GTF3C3: variants seen among roughly 807,000 people sequenced by gnomAD.
GTF3C3 encodes general transcription factor 3C polypeptide 3.
GTF3C3 carries 75 observed loss-of-function variants against 105.2 expected under a neutral mutation model. The observed-to-expected ratio is 0.71, with a 90% CI of 0.59 to 0.86. The LOEUF (loss-of-function observed/expected upper bound fraction) is 0.86. Ranked by LOEUF, GTF3C3 falls within the 40% of genes least tolerant of loss-of-function variation. The probability of loss-of-function intolerance (pLI) is 0.00; values close to 1 mark genes in which losing one functional copy is unlikely to be tolerated. For missense variants in GTF3C3, 856 were observed against 1,076.5 expected (o/e 0.80, Z 2.87); for synonymous variants, 335 against 370.4 (o/e 0.90, Z 1.10).
intron 17 of GTF3C3, 117 bp from the exon 18 acceptor site, chr2:196,764,802 T>C (rs1699032322): frequency 6.3e-6 from 5 of 795,734 alleles, no homozygotes; most frequent in Non-Finnish European, 9.7e-6. Context: ...TTAAAGCTCA[T>C]GTACTAAAAA....
chr2:196,777,622 CA>C (rs1280199788), intron 10 of GTF3C3: 1 of 152,172 alleles, frequency 6.6e-6, no homozygotes, highest in Admixed American at 6.5e-5. Context: ...TGGATCATCA[CA>C]GTGACATTTC....
chr2:196,782,050 G>C (rs1183133350), intron 8 of GTF3C3, among the ~76,000 whole-genome samples: 1 of 152,192 alleles, frequency 6.6e-6, no homozygotes, highest in Non-Finnish European at 1.5e-5. Context: ...AATGCTGTTT[G>C]CTAACAGTCT....
chr2:196,775,105 G>T lies in GTF3C3; in HGVS notation c.1831+11C>A. On this transcript the variant is annotated intron_variant, in intron 13 of 17. Transcript: ENST00000263956. The stretch of plus-strand genomic sequence containing the variant: ...AAATTTTATATAACATAATGCAAAT[G>T]AAGTTATTACCTTTTGCATCACAAT... 6.2e-7 allele frequency: 1 copy of T among 1,607,820 alleles called. No individual in the cohort carries two copies. Among genetic ancestry groups the T allele is most frequent in the South Asian group, 1.1e-5 (1 of 90,390 alleles).
rs555178972 is a variant in GTF3C3 at position 196,793,037 on chromosome 2, TTCCTCCTCC to T, written c.321_329del (p.Glu109_Glu111del). On this transcript the variant is annotated inframe_deletion, in exon 3 of 18. Transcript: ENST00000263956. ...CCGCAGTGGGTTGCTCAGGTGTTTCTTCCTCCTCCTCCTCCTCCTCCTCTTCTTCCTCTT... is the reference window on the plus strand; with the variant it reads ...CCGCAGTGGGTTGCTCAGGTGTTTCTTCCTCCTCCTCCTCTTCTTCCTCTT... 3.1e-6 allele frequency: 5 copies of T among 1,611,246 alleles called. No homozygotes were observed. Among genetic ancestry groups the T allele is most frequent in the African/African-American group, 1.3e-5 (1 of 74,728 alleles).
At chr2:196,783,072 T>C (rs138701356) in intron 8 of GTF3C3, among the ~76,000 whole-genome samples, 2 of 152,308 alleles carry the variant, frequency 1.3e-5, no homozygotes, top group African/African-American at 2.4e-5. Context: ...ACTAAAAAAC[T>C]ACCTTTGCTC....
intron 15 of GTF3C3, among the ~76,000 whole-genome samples, 192 bp from the exon 16 acceptor site, chr2:196,770,231 T>G (rs898787284): frequency 3.3e-5 from 5 of 152,256 alleles, no homozygotes; most frequent in African/African-American, 1.2e-4. Flanking sequence ...CATGAATGTA[T>G]GCTGACCATG....
intron 16 of GTF3C3, among the ~76,000 whole-genome samples, chr2:196,767,640 C>A (rs567838068): frequency 5.3e-5 from 8 of 152,244 alleles, no homozygotes; most frequent in Admixed American, 2.6e-4. Context: ...ATACTTTCTG[C>A]ATAATAAAAT....
chr2:196,789,854 GA>G (rs367760289), intron 5 of GTF3C3, 24 bp downstream of exon 5: 101,154 of 941,580 alleles, frequency 0.11, 145 homozygotes, highest in South Asian at 0.15. Flanking sequence ...TTGTAAAAGT[GA>G]AAAAAAAAAA....
Position 196,786,914 on chromosome 2 carries a change from C to T in GTF3C3, c.894-1326G>A, listed in dbSNP as rs1699461515. Among the ~76,000 whole-genome samples, 1 of 152,154 alleles carries T rather than the reference C, an allele frequency of 6.6e-6. No homozygotes were observed. Among genetic ancestry groups the T allele is most frequent in the Admixed American group, 6.5e-5 (1 of 15,272 alleles). On this transcript the variant is annotated intron_variant, in intron 6 of 17. Transcript: ENST00000263956. This position sits in a 1 kb window ranked among gnomAD's most constrained non-coding sequence, Gnocchi z 4.2. ...CGTGATCTATCTGCAATATCTCACACAGATGATCATCCCTCCTACTTGAAG... is the reference window on the plus strand; with the variant it reads ...CGTGATCTATCTGCAATATCTCACATAGATGATCATCCCTCCTACTTGAAG...
intron 10 of GTF3C3, among the ~76,000 whole-genome samples, chr2:196,777,437 C>CAATA (rs1699278765): frequency 6.6e-6 from 1 of 152,186 alleles, no homozygotes; most frequent in South Asian, 2.1e-4. Flanking sequence ...ATCAATCAAT[C>CAATA]AATACATGCG....
chr2:196,766,776 C>T, intron 16 of GTF3C3, 59 bp from the exon 17 acceptor site: 1 of 1,305,404 alleles, frequency 7.7e-7, no homozygotes. Context: ...ATGTACTAGA[C>T]CACTGTATTA....
chr2:196,775,588 TCAGA>T (rs1699247150), intron 12 of GTF3C3, among the ~76,000 whole-genome samples: 1 of 152,026 alleles, frequency 6.6e-6, no homozygotes, highest in Non-Finnish European at 1.5e-5. Flanking sequence ...ATTCCTCACC[TCAGA>T]AAGAAAAAAG....
intron 15 of GTF3C3, among the ~76,000 whole-genome samples, chr2:196,771,253 T>C (rs535289085): frequency 6.6e-6 from 1 of 152,320 alleles, no homozygotes; most frequent in South Asian, 2.1e-4. Flanking sequence ...TAAATAAATC[T>C]TAATATAGAT....
chr2:196,780,198 AAAGTAGATGCT>A, intron 9 of GTF3C3: 1 of 843,238 alleles, frequency 1.2e-6, no homozygotes. Flanking sequence ...TAAGGTTTAC[AAAGTAGATGCT>A]AAGTACTTTT....
chr2:196,768,626 C>T (rs1003595591), intron 16 of GTF3C3, among the ~76,000 whole-genome samples: 1 of 152,104 alleles, frequency 6.6e-6, no homozygotes, highest in African/African-American at 2.4e-5. Flanking sequence ...ATAAAACCTG[C>T]TTCTCAGAAA....
At chr2:196,780,416 C>G (rs1699327489) in intron 9 of GTF3C3, 143 bp downstream of exon 9, 1 of 1,301,338 alleles carries the variant, frequency 7.7e-7, no homozygotes, top group South Asian at 2.6e-5. Context: ...GATATTCATA[C>G]AAAATTATTT....
At chr2:196,797,772 C>T (rs777772833) in intron 2 of GTF3C3, 25 bp downstream of exon 2, 2 of 1,224,038 alleles carry the variant, frequency 1.6e-6, no homozygotes, top group East Asian at 2.3e-5. Context: ...ACATTCATTG[C>T]AGGAAGCACA....
intron 6 of GTF3C3, 29 bp from the exon 7 acceptor site, chr2:196,785,617 A>G (rs1244191438): frequency 1.4e-6 from 2 of 1,392,324 alleles, no homozygotes; most frequent in South Asian, 1.2e-5. Context: ...ATGGATGAAT[A>G]TTTACTTAAT....
At position 196,791,395 on chromosome 2, in the gene GTF3C3, A is replaced by G; in HGVS notation, c.477T>C (p.Arg159=). Residue 159 remains arginine (R), a synonymous_variant, in exon 4 of 18, where the codon CGT becomes CGC. Transcript: ENST00000263956. ...CCTCTTCACGTTCTCCTCGAGCAAA[A>G]CGAATGTTGGCTTCACCCATGAGAC... ...LRGLMGEANI[R]FARGEREEAI... 1 of 1,614,038 alleles carries G rather than the reference A, an allele frequency of 6.2e-7. No individual in the cohort carries two copies. Among genetic ancestry groups the G allele is most frequent in the Non-Finnish European group, 8.5e-7 (1 of 1,179,948 alleles).
Sources: gnomAD v4.1 joint callset for allele counts (sites outside exome capture counted in the v4.1 genomes callset) on GRCh38, gnomAD v4.1.1 for gene constraint, Gnocchi (gnomAD v3.1) non-coding constraint, MANE v1.5 for transcripts, NCBI Gene and HGNC (gene_info 2026-07-23, HGNC 2026-07-21) for gene names.